The following VSIG4 variants were observed in gnomAD, a reference collection of about 807,000 sequenced individuals.
VSIG4 encodes the protein V-set and immunoglobulin domain-containing protein 4.
A neutral mutation model predicts 23.4 loss-of-function variants in VSIG4; 34 were observed. That is an observed-to-expected ratio of 1.45 (90% CI 1.10 to 1.93). The LOEUF is 1.93. VSIG4 is among the 30% of genes most tolerant of loss of function. The probability of loss-of-function intolerance (pLI) is 0.00; values close to 1 mark genes in which losing one functional copy is unlikely to be tolerated. For synonymous variants in VSIG4, 169 were observed against 120.3 expected (o/e 1.41, Z -2.65); for missense variants, 433 against 310.8 (o/e 1.39, Z -2.96).
chrX:66,028,068 T>C lies in VSIG4; in HGVS notation c.739A>G (p.Met247Val). The stretch of plus-strand genomic sequence containing the variant: ...AACTCACCTTTCAAGGGGTATGTCA[T>C]GGTTGTAGGTGCCTCAGTCTTGGTC... ...LKTKTEAPTT[M>V]TYPLKATSTV... The change falls in exon 4 of 8, where the codon ATG (methionine) becomes GTG (valine). Residue 247 changes from methionine (M) to valine (V), a missense_variant. Met to Val is a conservative substitution (Grantham distance 21). Transcript: ENST00000374737. 1 of 1,210,741 alleles carries C rather than the reference T, an allele frequency of 8.3e-7. No individual in the cohort carries two copies. Among genetic ancestry groups the C allele is most frequent in the African/African-American group, 1.7e-5 (1 of 57,744 alleles).
chrX:66,032,695 G>A lies in VSIG4; in HGVS notation c.467C>T (p.Pro156Leu). Residue 156 changes from proline (P) to leucine (L), a missense_variant, in exon 3 of 8, where the codon CCC becomes CTC. By Grantham distance (98) the Pro-to-Leu change is moderately conservative (BLOSUM62 -3). Transcript: ENST00000374737. ...TTGAAGGCTAATCCTCATTCCCTGG[G>A]GCACCGTGAAGCCATAACCGCTGCC... ...TTGSGYGFTV[P>L]QGMRISLQCQ... 1.7e-6 allele frequency: 2 copies of A among 1,211,420 alleles called. No individual in the cohort carries two copies. Among genetic ancestry groups the A allele is most frequent in the Non-Finnish European group, 2.2e-6 (2 of 895,371 alleles).
chrX:66,025,381 A>G (rs763972359), intron 5 of VSIG4, among the ~76,000 whole-genome samples: 1 of 112,018 alleles, frequency 8.9e-6, no homozygotes, highest in South Asian at 3.7e-4. Context: ...CTAGTTGTCT[A>G]TGCTTTCTAT....
chrX:66,039,712 T>G (rs1158720437), intron 1 of VSIG4, among the ~76,000 whole-genome samples: 1 of 111,983 alleles, frequency 8.9e-6, no homozygotes, highest in African/African-American at 3.2e-5. Flanking sequence ...TGCAGATGTT[T>G]TCCAAGAGAA....
intron 1 of VSIG4, among the ~76,000 whole-genome samples, chrX:66,036,769 A>ACG (rs2085556682): frequency 2.6e-5 from 1 of 37,818 alleles, no homozygotes; most frequent in Non-Finnish European, 4.1e-5. Context: ...AATATAATAT[A>ACG]TATTATATTA....
intron 1 of VSIG4, among the ~76,000 whole-genome samples, chrX:66,035,011 G>A (rs191164808): frequency 2.7e-5 from 3 of 110,951 alleles, no homozygotes; most frequent in Non-Finnish European, 5.7e-5. Flanking sequence ...CAGTCAAGCG[G>A]ATGGAAGATG....
intron 2 of VSIG4, 113 bp downstream of exon 2, chrX:66,033,361 T>C: frequency 1.6e-6 from 1 of 640,408 alleles, no homozygotes. Context: ...CACATATACC[T>C]GTGGAGAGCC....
intron 1 of VSIG4, among the ~76,000 whole-genome samples, chrX:66,035,410 A>T (rs1046412739): frequency 1.5e-4 from 17 of 112,185 alleles, no homozygotes; most frequent in African/African-American, 4.2e-4. Context: ...CTTTGTGATT[A>T]ATCAGAGCTG....
intron 1 of VSIG4, among the ~76,000 whole-genome samples, chrX:66,036,491 C>T (rs1371161711): frequency 2.0e-5 from 2 of 101,200 alleles, no homozygotes; most frequent in Non-Finnish European, 3.9e-5. Context: ...GCAAGGTCTG[C>T]CTTACCACAT....
At chrX:66,036,670 TAA>T (rs1491484893) in intron 1 of VSIG4, among the ~76,000 whole-genome samples, 35 of 62,806 alleles carry the variant, frequency 5.6e-4, no homozygotes, top group Non-Finnish European at 2.2e-4. Context: ...TAATATAATA[TAA>T]TATATATAAT....
chrX:66,039,733 T>G (rs1393909685), intron 1 of VSIG4, among the ~76,000 whole-genome samples: 1 of 112,265 alleles, frequency 8.9e-6, no homozygotes, highest in Non-Finnish European at 1.9e-5. Context: ...AAATCCTTTT[T>G]CAATTTCTGC....
chrX:66,027,944 C>A (rs1237393700), intron 4 of VSIG4, 106 bp downstream of exon 4: 3 of 734,157 alleles, frequency 4.1e-6, no homozygotes, highest in East Asian at 6.4e-5. Flanking sequence ...CTCTGAGGAA[C>A]CAAGTGACTG....
At chrX:66,031,750 T>C (rs777390385) in intron 3 of VSIG4, among the ~76,000 whole-genome samples, 1 of 111,553 alleles carries the variant, frequency 9.0e-6, no homozygotes, top group Non-Finnish European at 1.9e-5. Context: ...ACAGTCTTTA[T>C]ATGCATAGTT....
In VSIG4 at chrX:66,033,454, C is replaced by A; in HGVS notation, c.412+20G>T. ...TGATTCATTGATTATCAGTGCTTTCCTACCCCCATAGTGACTCACGTTTCT... is the reference window on the plus strand; with the variant it reads ...TGATTCATTGATTATCAGTGCTTTCATACCCCCATAGTGACTCACGTTTCT... On this transcript the variant is annotated intron_variant, in intron 2 of 7. Coordinates refer to ENST00000374737, the MANE Select transcript of VSIG4 (RefSeq NM_007268.3). 8.6e-7 allele frequency: 1 copy of A among 1,159,632 alleles called. No individual in the cohort carries two copies. The highest frequency in any genetic ancestry group is 2.3e-5 in the Admixed American group (1 of 42,852).
intron 3 of VSIG4, among the ~76,000 whole-genome samples, chrX:66,029,553 T>G (rs1569241266): frequency 1.8e-5 from 2 of 111,375 alleles, no homozygotes; most frequent in African/African-American, 6.5e-5. Flanking sequence ...AGTTGATGAC[T>G]TCGTAAGAAT....
At position 66,033,565 on chromosome X, in the gene VSIG4, G is replaced by T. The variant is rs1468243709; in HGVS notation, c.321C>A (p.Asp107Glu). Residue 107 changes from aspartate (D) to glutamate (E), a missense_variant, in exon 2 of 8, where the codon GAC (aspartate) becomes GAA (glutamate). By Grantham distance (45) the Asp-to-Glu change is conservative. Transcript: ENST00000374737. ...SLQLSTLEMD[D>E]RSHYTCEVTW... ...TGACTTCACACGTGTAGTGGCTCCG[G>T]TCATCCATCTCCAGGGTGCTCAATT... 1.7e-6 allele frequency: 2 copies of T among 1,209,634 alleles called. No homozygotes were observed. The highest frequency in any genetic ancestry group is 3.5e-5 in the South Asian group (2 of 56,770).
Position 66,022,186 on chromosome X carries a change from G to T in VSIG4, c.*77C>A. The T allele has an allele frequency of 1.7e-6, 2 of 1,210,428 alleles. No homozygotes were observed. Among genetic ancestry groups the T allele is most frequent in the Non-Finnish European group, 2.2e-6 (2 of 894,768 alleles). ...TTTGGGCTATCCAGGAAGAGAGGTA[G>T]CAGGGAAGAAGGCCATGCAGAAGGC... On this transcript the variant is annotated 3_prime_UTR_variant, in exon 8 of 8. Coordinates refer to ENST00000374737, the MANE Select transcript of VSIG4 (RefSeq NM_007268.3).
intron 6 of VSIG4, among the ~76,000 whole-genome samples, chrX:66,024,213 AT>A (rs1286302213): frequency 8.9e-6 from 1 of 111,949 alleles, no homozygotes; most frequent in Non-Finnish European, 1.9e-5. Flanking sequence ...AAGCATCCCA[AT>A]TTTTTTCCTC....
intron 1 of VSIG4, among the ~76,000 whole-genome samples, chrX:66,037,303 TA>T (rs374886677): frequency 5.0e-4 from 8 of 16,000 alleles, no homozygotes; most frequent in South Asian, 4.4e-3. Context: ...TATTATATAA[TA>T]ATATAATATA....
chrX:66,032,168 A>T (rs1178221502), intron 3 of VSIG4, among the ~76,000 whole-genome samples: 5 of 111,729 alleles, frequency 4.5e-5, no homozygotes, highest in Non-Finnish European at 1.9e-5. Context: ...CTCATGGGAC[A>T]GTTGTGGGGA....
Sources: gnomAD v4.1 joint callset for allele counts (sites outside exome capture counted in the v4.1 genomes callset) on GRCh38, gnomAD v4.1.1 for gene constraint, MANE v1.5 for transcripts, NCBI Gene and HGNC (gene_info 2026-07-23, HGNC 2026-07-21) for gene names.